TMEM236: variants seen among roughly 807,000 people sequenced by gnomAD.
TMEM236 encodes the protein family with sequence similarity 23, member A.
Under a neutral mutation model 14.7 loss-of-function variants are expected in TMEM236, and 11 were observed. The observed-to-expected ratio is 0.75, with a 90% CI of 0.47 to 1.24. The LOEUF (loss-of-function observed/expected upper bound fraction) is 1.24, where lower values mean the gene tolerates loss of function less well. Ranked by LOEUF, TMEM236 falls within the 50% of genes most tolerant of loss-of-function variation. The pLI, the probability that TMEM236 is intolerant of heterozygous loss-of-function variation, is 0.00. For synonymous variants in TMEM236, 182 were observed against 168.6 expected, an observed-to-expected ratio of 1.08 and a Z score of -0.62; for missense variants, 464 against 427.3, an observed-to-expected ratio of 1.09 and a Z score of -0.76.
At chr10:17,779,051 A>G (rs1466504718) in intron 3 of TMEM236, among the ~76,000 whole-genome samples, 4 of 152,156 alleles carry the variant, frequency 2.6e-5, no homozygotes, top group African/African-American at 9.7e-5. Flanking sequence ...TGTACGTGGT[A>G]CCTAGGAATG....
At chr10:17,762,588 T>TATATATATATATATATATATATAC in intron 1 of TMEM236, among the ~76,000 whole-genome samples, 2 of 67,184 alleles carry the variant, frequency 3.0e-5, no homozygotes, top group African/African-American at 2.2e-4. Context: ...TATATATATA[T>TATATATATATATATATATATATAC]ATATATATAT....
At position 17,787,803 on chromosome 10, in the gene TMEM236, T is replaced by G. The variant is rs994477180; in HGVS notation, c.473-8118T>G. On this transcript the variant is annotated intron_variant, in intron 3 of 3. Transcript: ENST00000377495. ...TATGCATAAACCAGGCTGACGGAGGTTCTTAAGAATGCAATGACTCAGGTT... is the reference window on the plus strand; with the variant it reads ...TATGCATAAACCAGGCTGACGGAGGGTCTTAAGAATGCAATGACTCAGGTT... 1.1e-3 allele frequency among the ~76,000 whole-genome samples: 160 copies of G among 151,978 alleles called. 3 individuals are homozygous for G. The East Asian group carries it at 0.029, about 27-fold the overall frequency.
chr10:17,773,675 C>T lies in TMEM236; in HGVS notation c.330+2294C>T, dbSNP rs1383226962. ...TTTATTTCAGCTCTTCTGGTGGGTA[C>T]GATCCTGAATCTCACTGTACTTTTA... On this transcript the variant is annotated intron_variant, in intron 2 of 3. Coordinates refer to ENST00000377495, the MANE Select transcript of TMEM236 (RefSeq NM_001098844.3). Among the ~76,000 whole-genome samples, 6 of 152,238 alleles carry T rather than the reference C, an allele frequency of 3.9e-5. No homozygotes were observed. In the East Asian group the frequency reaches 5.8e-4, roughly 15 times the overall value.
chr10:17,785,270 T>C lies in TMEM236; in HGVS notation c.472+9100T>C, dbSNP rs879844187. Among the ~76,000 whole-genome samples, 226 of 152,288 alleles carry C rather than the reference T, an allele frequency of 1.5e-3. 3 individuals are homozygous for C. Among genetic ancestry groups the C allele is most frequent in the African/African-American group, 5.3e-3 (222 of 41,574 alleles). Reference sequence around the variant, plus strand: ...ATCATCAACGTGTCTTCACTATACATATGCATGAGCTCTACCTAGCGATCA... The same window carrying C: ...ATCATCAACGTGTCTTCACTATACACATGCATGAGCTCTACCTAGCGATCA... On this transcript the variant is annotated intron_variant, in intron 3 of 3. Coordinates refer to ENST00000377495, the MANE Select transcript of TMEM236 (RefSeq NM_001098844.3).
intron 3 of TMEM236, among the ~76,000 whole-genome samples, chr10:17,778,903 C>T (rs1159118529): frequency 6.6e-6 from 1 of 152,192 alleles, no homozygotes; most frequent in Admixed American, 6.5e-5. Flanking sequence ...CTACTAACTT[C>T]GTATTACCAG....
intron 3 of TMEM236, among the ~76,000 whole-genome samples, chr10:17,786,508 G>GC (rs1237792501): frequency 6.6e-6 from 1 of 152,172 alleles, no homozygotes; most frequent in Non-Finnish European, 1.5e-5. Flanking sequence ...ACAAGCATGA[G>GC]CCCCTGGCTC....
Position 17,752,691 on chromosome 10 carries a change from T to G in TMEM236, c.257+139T>G, listed in dbSNP as rs1837226832. ...AAGTGATTCTCCTGCCTCAGCCTCCTGAGTAGCTGGGATTACAGTCGCACA... is the reference window on the plus strand; with the variant it reads ...AAGTGATTCTCCTGCCTCAGCCTCCGGAGTAGCTGGGATTACAGTCGCACA... On this transcript the variant is annotated intron_variant, in intron 1 of 3. Transcript: ENST00000377495. 4.7e-6 allele frequency: 4 copies of G among 849,582 alleles called. No individual in the cohort carries two copies. The Admixed American group carries it at 6.1e-5, about 13-fold the overall frequency. 52.6% of individuals were successfully genotyped at this position (849,582 alleles called of 1,614,324 possible).
At chr10:17,755,553 T>C (rs1350305465) in intron 1 of TMEM236, among the ~76,000 whole-genome samples, 1 of 152,126 alleles carries the variant, frequency 6.6e-6, no homozygotes, top group African/African-American at 2.4e-5. Context: ...TTGGCACTGC[T>C]TTTATCAGTA....
At chr10:17,785,658 C>T (rs956889061) in intron 3 of TMEM236, among the ~76,000 whole-genome samples, 3 of 151,854 alleles carry the variant, frequency 2.0e-5, no homozygotes, top group African/African-American at 7.3e-5. Context: ...CAAGATGAGC[C>T]CCTAGTGCGA....
intron 1 of TMEM236, among the ~76,000 whole-genome samples, chr10:17,770,015 G>T (rs1837541939): frequency 6.6e-6 from 1 of 152,092 alleles, no homozygotes; most frequent in East Asian, 1.9e-4. Flanking sequence ...ATGGTCCCCA[G>T]TGTCTATTCC....
chr10:17,760,886 C>T (rs1837351530), intron 1 of TMEM236, among the ~76,000 whole-genome samples: 1 of 152,152 alleles, frequency 6.6e-6, no homozygotes, highest in African/African-American at 2.4e-5. Context: ...ACAAGAACAG[C>T]ACAGGAAAGA....
At chr10:17,780,128 T>C (rs1837723083) in intron 3 of TMEM236, among the ~76,000 whole-genome samples, 1 of 152,214 alleles carries the variant, frequency 6.6e-6, no homozygotes, top group African/African-American at 2.4e-5. Context: ...GTGGCCATTC[T>C]ACTCCCCTGG....
intron 1 of TMEM236, among the ~76,000 whole-genome samples, chr10:17,764,403 A>G (rs1837426983): frequency 6.6e-6 from 1 of 152,166 alleles, no homozygotes; most frequent in East Asian, 1.9e-4. Context: ...ATGCCCACGT[A>G]TCCTTTTCTT....
At chr10:17,789,798 G>T (rs1461842440) in intron 3 of TMEM236, among the ~76,000 whole-genome samples, 1 of 152,038 alleles carries the variant, frequency 6.6e-6, no homozygotes, top group Admixed American at 6.5e-5. Flanking sequence ...CTAGGAGGAG[G>T]ATCCCGAGGT....
At chr10:17,785,254 G>T (rs944393499) in intron 3 of TMEM236, among the ~76,000 whole-genome samples, 1 of 152,104 alleles carries the variant, frequency 6.6e-6, no homozygotes. Context: ...GATCATCAAC[G>T]TGTCTTCACT....
At position 17,797,028 on chromosome 10, in the gene TMEM236, A is replaced by T; in HGVS notation, c.*524A>T. The T allele has an allele frequency of 6.3e-6, 1 of 159,464 alleles. No individual in the cohort carries two copies. Among genetic ancestry groups the T allele is most frequent in the Non-Finnish European group, 1.4e-5 (1 of 71,898 alleles). 9.9% of individuals were successfully genotyped at this position (159,464 alleles called of 1,614,324 possible). A position where few individuals can be genotyped will look rare whatever the true frequency, so the allele number is the denominator to read the frequency against. The stretch of plus-strand genomic sequence containing the variant: ...TGGGACAGTTTCATCCCAGAACCCA[A>T]CCCCACCCCCAACCCTGGCTGTGGA... On this transcript the variant is annotated 3_prime_UTR_variant, in exon 4 of 4. Transcript: ENST00000377495.
rs1838028045 is a variant in TMEM236, at chr10:17,797,023, A to ACCCAAC, written c.*524_*529dup. ...TGAGGTGGGACAGTTTCATCCCAGA[A>ACCCAAC]CCCAACCCCACCCCCAACCCTGGCT... On this transcript the variant is annotated 3_prime_UTR_variant, in exon 4 of 4. Transcript: ENST00000377495. 1.9e-5 allele frequency: 3 copies of ACCCAAC among 160,766 alleles called. No individual in the cohort carries two copies. The highest frequency in any genetic ancestry group is 4.1e-5 in the Non-Finnish European group (3 of 72,572). 10.0% of individuals were successfully genotyped at this position (160,766 alleles called of 1,614,324 possible).
At chr10:17,755,278 T>G (rs1229594479) in intron 1 of TMEM236, among the ~76,000 whole-genome samples, 1 of 152,162 alleles carries the variant, frequency 6.6e-6, no homozygotes, top group East Asian at 1.9e-4. Context: ...GCGAATGACA[T>G]AGAACACATG....
In TMEM236 at chr10:17,785,867, TG is replaced by T. The variant is rs1353586617; in HGVS notation, c.472+9701del. 1.9e-3 allele frequency among the ~76,000 whole-genome samples: 288 copies of T among 152,186 alleles called. 3 individuals are homozygous for T. Among genetic ancestry groups the T allele is most frequent in the African/African-American group, 6.7e-3 (277 of 41,514 alleles). ...AGAAGTAAGTGGGCATCTACTAGACTGGGGTAAGAGAAGGGTAGGATTTCTG... is the reference window on the plus strand; with the variant it reads ...AGAAGTAAGTGGGCATCTACTAGACTGGGTAAGAGAAGGGTAGGATTTCTG... On this transcript the variant is annotated intron_variant, in intron 3 of 3. Coordinates refer to ENST00000377495, the MANE Select transcript of TMEM236 (RefSeq NM_001098844.3).
Sources: gnomAD v4.1 joint callset for allele counts (sites outside exome capture counted in the v4.1 genomes callset) on GRCh38, gnomAD v4.1.1 for gene constraint, MANE v1.5 for transcripts, NCBI Gene and HGNC (gene_info 2026-07-23, HGNC 2026-07-21) for gene names.